Variants in UGP2 observed in about 807,000 individuals in gnomAD.
UGP2 encodes UTP--glucose-1-phosphate uridylyltransferase.
In UGP2, 40 loss-of-function variants were observed where a neutral mutation model predicts 49.0. The ratio of observed to expected loss-of-function variants is 0.82; its 90% CI spans 0.63 to 1.06. UGP2 has a LOEUF of 1.06. Ranked by LOEUF, UGP2 falls within the 50% of genes least tolerant of loss-of-function variation. The probability of loss-of-function intolerance (pLI) is 0.00; values close to 1 mark genes in which losing one functional copy is unlikely to be tolerated. For synonymous variants in UGP2, 225 were observed against 213.0 expected, an observed-to-expected ratio of 1.06 and a Z score of -0.49; for missense variants, 460 against 603.5, an observed-to-expected ratio of 0.76 and a Z score of 2.49.
chr2:63,881,980 A>G (rs746032558), intron 3 of UGP2, among the ~76,000 whole-genome samples: 1 of 152,252 alleles, frequency 6.6e-6, no homozygotes, highest in Non-Finnish European at 1.5e-5. Context: ...GAGAATGGCA[A>G]AGAACAAGTG....
At chr2:63,861,402 A>G (rs1204224949) in intron 3 of UGP2, among the ~76,000 whole-genome samples, 2 of 151,686 alleles carry the variant, frequency 1.3e-5, no homozygotes, top group Non-Finnish European at 2.9e-5. Context: ...CTAATTTAAA[A>G]CCTGTTGAAG....
chr2:63,854,539 C>T (rs1407309300), intron 1 of UGP2, among the ~76,000 whole-genome samples: 1 of 152,166 alleles, frequency 6.6e-6, no homozygotes, highest in African/African-American at 2.4e-5. Flanking sequence ...GAAGTCACCA[C>T]TAAGGGAAAT....
intron 4 of UGP2, among the ~76,000 whole-genome samples, chr2:63,883,060 G>A (rs1020457564): frequency 2.6e-5 from 4 of 152,252 alleles, no homozygotes; most frequent in South Asian, 4.2e-4. Context: ...TCTCTCTTAG[G>A]ACAAAGTCAT....
chr2:63,865,247 A>G (rs1670103301), intron 3 of UGP2, among the ~76,000 whole-genome samples: 1 of 152,214 alleles, frequency 6.6e-6, no homozygotes, highest in East Asian at 1.9e-4. Context: ...TTTCCCGTAG[A>G]AAATGAGTAG....
intron 7 of UGP2, 137 bp from the exon 8 acceptor site, chr2:63,887,264 CA>C (rs371097150): frequency 0.09 from 73,901 of 823,708 alleles, 169 homozygotes; most frequent in African/African-American, 0.13. Flanking sequence ...GACTCCTTCT[CA>C]AAAAAAAAAA....
chr2:63,855,721 T>C (rs112965095), intron 1 of UGP2: 24 of 421,418 alleles, frequency 5.7e-5, no homozygotes, highest in African/African-American at 3.1e-4. Flanking sequence ...TTTGTATTTT[T>C]TGTAGAGATG....
Position 63,885,597 on chromosome 2 carries a change from G to T in UGP2, c.584G>T (p.Arg195Met). The change falls in exon 6 of 10, where the codon AGG (arginine) becomes ATG (methionine). Residue 195 changes from arginine to methionine, a missense_variant. This residue lies in a region of UGP2 where 317 missense variants were observed against 473.0 expected (regional missense o/e 0.67). Transcript: ENST00000337130. ...IYTFNQSRYPRINKESLLPVA... is the reference protein window; with the variant it reads ...IYTFNQSRYPMINKESLLPVA... Reference sequence around the variant, plus strand: ...CTTTTTTTTTTTTAAAGGTACCCGAGGATTAATAAAGAATCTTTACTTCCT... The same window carrying T: ...CTTTTTTTTTTTTAAAGGTACCCGATGATTAATAAAGAATCTTTACTTCCT... The T allele has an allele frequency of 6.5e-7, 1 of 1,549,650 alleles. No individual in the cohort carries two copies. Among genetic ancestry groups the T allele is most frequent in the Middle Eastern group, 1.7e-4 (1 of 5,762 alleles).
At chr2:63,865,580 C>G (rs1009827509) in intron 3 of UGP2, among the ~76,000 whole-genome samples, 1 of 149,414 alleles carries the variant, frequency 6.7e-6, no homozygotes, top group African/African-American at 2.5e-5. Flanking sequence ...ACTCTGTTGC[C>G]CAGGCTGAAG....
intron 3 of UGP2, among the ~76,000 whole-genome samples, chr2:63,858,654 G>A (rs775853357): frequency 6.0e-5 from 9 of 151,088 alleles, no homozygotes; most frequent in Non-Finnish European, 8.9e-5. Context: ...TTTTTTTTAG[G>A]GTCTATTTTG....
intron 1 of UGP2, among the ~76,000 whole-genome samples, chr2:63,848,765 T>C (rs1201484895): frequency 6.6e-6 from 1 of 152,246 alleles, no homozygotes; most frequent in East Asian, 1.9e-4. Flanking sequence ...AATTAAACTT[T>C]GTGTGTTTTT....
At chr2:63,853,835 G>C (rs1221235546) in intron 1 of UGP2, among the ~76,000 whole-genome samples, 2 of 152,110 alleles carry the variant, frequency 1.3e-5, no homozygotes, top group African/African-American at 4.8e-5. Flanking sequence ...TAGTTCCTAT[G>C]AACAGGAAGA....
At chr2:63,854,094 T>C (rs1020551647) in intron 1 of UGP2, among the ~76,000 whole-genome samples, 2 of 152,194 alleles carry the variant, frequency 1.3e-5, no homozygotes, top group Non-Finnish European at 2.9e-5. Context: ...TCTGCCTCAC[T>C]GTGGTGGAAT....
rs193116560 is a variant in UGP2 at position 63,865,655 on chromosome 2, C to T, written c.255+7719C>T. Among the ~76,000 whole-genome samples the T allele has an allele frequency of 3.2e-4, 49 of 151,356 alleles. No homozygotes were observed. In the East Asian group the frequency reaches 6.6e-3, roughly 20 times the overall value. On this transcript the variant is annotated intron_variant, in intron 3 of 9. Transcript: ENST00000337130. ...GTGAACTCAAGGGATCCTCTTGCCT[C>T]GACCTCTTGAGTAGCAGGGACTACA...
At chr2:63,857,258 G>A (rs934333564) in intron 2 of UGP2, among the ~76,000 whole-genome samples, 5 of 149,696 alleles carry the variant, frequency 3.3e-5, no homozygotes, top group Non-Finnish European at 5.9e-5. Context: ...CCGAGATTGC[G>A]CCACTACACT....
chr2:63,887,703 T>G (rs528630973), intron 8 of UGP2, 59 bp downstream of exon 8: 3 of 1,584,934 alleles, frequency 1.9e-6, no homozygotes, highest in East Asian at 2.2e-5. Context: ...TATAAAGATA[T>G]GATATACATG....
At chr2:63,855,722 T>TG (rs1174397080) in intron 1 of UGP2, 1 of 419,720 alleles carries the variant, frequency 2.4e-6, no homozygotes, top group Admixed American at 2.6e-5. Context: ...TTGTATTTTT[T>TG]GTAGAGATGA....
intron 3 of UGP2, among the ~76,000 whole-genome samples, chr2:63,875,049 ATAAAG>A (rs1378645732): frequency 6.6e-6 from 1 of 152,248 alleles, no homozygotes; most frequent in Non-Finnish European, 1.5e-5. Flanking sequence ...CTTTTCTGTT[ATAAAG>A]TAAATTTGTA....
At chr2:63,872,487 C>G (rs925225070) in intron 3 of UGP2, among the ~76,000 whole-genome samples, 3 of 152,056 alleles carry the variant, frequency 2.0e-5, no homozygotes, top group Non-Finnish European at 4.4e-5. Flanking sequence ...ATCTTCATAA[C>G]GAATTAATGA....
intron 3 of UGP2, among the ~76,000 whole-genome samples, chr2:63,873,350 A>T (rs1036512004): frequency 6.6e-5 from 10 of 152,114 alleles, no homozygotes; most frequent in Admixed American, 4.0e-4. Flanking sequence ...GGAGAGAGGT[A>T]AAGTTTATTT....
Sources: allele counts gnomAD v4.1 joint callset (sites outside exome capture counted in the v4.1 genomes callset), GRCh38; gene constraint gnomAD v4.1.1; regional missense constraint gnomAD v4.1.1; transcripts MANE v1.5; gene names NCBI Gene and HGNC (gene_info 2026-07-23, HGNC 2026-07-21).